The following PDE4D variants were observed in gnomAD, a reference collection of about 807,000 sequenced individuals.
PDE4D encodes phosphodiesterase 4D.
Under a neutral mutation model 87.4 loss-of-function variants are expected in PDE4D, and 24 were observed. That is an observed-to-expected ratio of 0.27 (90% confidence interval 0.20 to 0.39). The LOEUF is 0.39. Among genes scored for constraint, PDE4D ranks in the 10% least tolerant of loss-of-function variants. PDE4D has a pLI of 1.00. For synonymous variants in PDE4D, 384 were observed against 383.2 expected (o/e 1.00, Z -0.02); for missense variants, 714 against 1,041.0 (o/e 0.69, Z 4.32).
chr5:59,199,257 CTT>C lies in PDE4D; in HGVS notation c.648-5723_648-5722del, dbSNP rs34049029. Among the ~76,000 whole-genome samples, 622 of 141,754 alleles carry C rather than the reference CTT, an allele frequency of 4.4e-3. 2 individuals carry two copies. Among genetic ancestry groups the C allele is most frequent in the Non-Finnish European group, 6.5e-3 (418 of 64,772 alleles). The allele number at this position is 141,754 out of a possible 152,430, so 93.0% of individuals were successfully genotyped here. On this transcript the variant is annotated intron_variant, in intron 2 of 14. Coordinates refer to ENST00000340635, the MANE Select transcript of PDE4D (RefSeq NM_001104631.2). ...CTGGGGCTTACGTTTGAATCTAATC[CTT>C]TTTTTTTTTTTTTCAATGGCATGGA...
intron 1 of PDE4D, among the ~76,000 whole-genome samples, chr5:60,500,442 A>T (rs1447607343): frequency 6.6e-6 from 1 of 152,254 alleles, no homozygotes; most frequent in Non-Finnish European, 1.5e-5. Flanking sequence ...GAAATAACTA[A>T]TTCCATAGAT....
At chr5:59,215,637 G>T in intron 2 of PDE4D, 140 bp downstream of exon 2, 1 of 660,478 alleles carries the variant, frequency 1.5e-6, no homozygotes, top group Non-Finnish European at 2.6e-6. Flanking sequence ...TTCATTTCTA[G>T]CTTGTATAAT....
intron 1 of PDE4D, among the ~76,000 whole-genome samples, chr5:59,310,611 T>G (rs1030240376): frequency 6.6e-6 from 1 of 152,192 alleles, no homozygotes; most frequent in Non-Finnish European, 1.5e-5. Context: ...CCCTGACAGT[T>G]CTTCCTCTAC....
chr5:59,565,689 G>A (rs1281334080), intron 1 of PDE4D, among the ~76,000 whole-genome samples: 2 of 152,240 alleles, frequency 1.3e-5, no homozygotes, highest in African/African-American at 4.8e-5. Context: ...TTCAAGTACA[G>A]ATGGCAAAGC....
intron 1 of PDE4D, among the ~76,000 whole-genome samples, chr5:59,398,807 T>G (rs12656961): frequency 0.23 from 25,019 of 108,432 alleles, 1,288 homozygotes; most frequent in Middle Eastern, 0.35. Context: ...GTTTGCAGAC[T>G]ACATGATTGT....
intron 3 of PDE4D, among the ~76,000 whole-genome samples, chr5:59,909,933 G>A (rs1022037347): frequency 2.0e-5 from 3 of 152,028 alleles, no homozygotes; most frequent in African/African-American, 4.8e-5. Context: ...GATGACAAAC[G>A]AATTCCTAGT....
chr5:59,650,756 T>C (rs944377852), intron 1 of PDE4D, among the ~76,000 whole-genome samples: 2 of 152,200 alleles, frequency 1.3e-5, no homozygotes, highest in African/African-American at 2.4e-5. Context: ...GGTCATTCTA[T>C]TACCAATTTG....
upstream of PDE4D, among the ~76,000 whole-genome samples, chr5:59,893,973 G>A (rs1389622616): frequency 6.6e-6 from 1 of 152,158 alleles, no homozygotes; most frequent in Non-Finnish European, 1.5e-5. Context: ...CCGGCGGCGA[G>A]AGCAGGGATT....
chr5:60,401,009 AAC>A (rs1186296895), intron 1 of PDE4D, among the ~76,000 whole-genome samples: 1 of 152,212 alleles, frequency 6.6e-6, no homozygotes, highest in Non-Finnish European at 1.5e-5. Flanking sequence ...GCTATTTTAA[AAC>A]AGAGCCAGTT....
At chr5:59,172,051 A>G (rs11953985) in intron 5 of PDE4D, among the ~76,000 whole-genome samples, 1 of 2,828 alleles carries the variant, frequency 3.5e-4, no homozygotes, top group Non-Finnish European at 7.7e-4. Context: ...TATATAATAT[A>G]TATATATTAT....
At chr5:60,242,787 T>C (rs961104443) in intron 1 of PDE4D, among the ~76,000 whole-genome samples, 1 of 151,840 alleles carries the variant, frequency 6.6e-6, no homozygotes, top group Non-Finnish European at 1.5e-5. Context: ...AAACAAATGA[T>C]AATGGAAACA....
chr5:60,503,805 C>A (rs1376444190), intron 1 of PDE4D, among the ~76,000 whole-genome samples: 1 of 151,984 alleles, frequency 6.6e-6, no homozygotes, highest in Non-Finnish European at 1.5e-5. Context: ...CTGGAAGTAT[C>A]CAGTGAGCCA....
chr5:59,082,087 C>T (rs1189470702), intron 5 of PDE4D, among the ~76,000 whole-genome samples: 1 of 152,088 alleles, frequency 6.6e-6, no homozygotes, highest in Non-Finnish European at 1.5e-5. Flanking sequence ...AACTGTGAGT[C>T]AATTAAACCT....
chr5:59,099,238 C>T (rs1309128752), intron 5 of PDE4D, among the ~76,000 whole-genome samples: 1 of 152,112 alleles, frequency 6.6e-6, no homozygotes, highest in Non-Finnish European at 1.5e-5. Flanking sequence ...AAATTTCCCC[C>T]AAAGGACACA....
chr5:59,304,779 G>A (rs150556910), intron 1 of PDE4D, among the ~76,000 whole-genome samples: 3 of 152,208 alleles, frequency 2.0e-5, no homozygotes, highest in African/African-American at 7.2e-5. Flanking sequence ...TTTTTGATAT[G>A]TTGTTGGATT....
At chr5:59,562,497 T>C (rs951617768) in intron 1 of PDE4D, among the ~76,000 whole-genome samples, 3 of 152,174 alleles carry the variant, frequency 2.0e-5, no homozygotes, top group Non-Finnish European at 2.9e-5. Context: ...CCCTTTCAAA[T>C]TGCATGAAAA....
At chr5:59,139,400 C>T (rs1777573603) in intron 5 of PDE4D, among the ~76,000 whole-genome samples, 1 of 152,148 alleles carries the variant, frequency 6.6e-6, no homozygotes, top group African/African-American at 2.4e-5. Context: ...GGTCATTTTA[C>T]CGCAGAACAT....
chr5:59,365,592 C>A (rs1406109873), intron 1 of PDE4D, among the ~76,000 whole-genome samples: 1 of 152,158 alleles, frequency 6.6e-6, no homozygotes, highest in African/African-American at 2.4e-5. Flanking sequence ...AATATTTGGG[C>A]TCAACCAGTC....
intron 2 of PDE4D, among the ~76,000 whole-genome samples, chr5:60,091,778 C>A (rs891455264): frequency 1.3e-5 from 2 of 152,092 alleles, no homozygotes; most frequent in African/African-American, 4.8e-5. Context: ...GTGGGCCGGG[C>A]GCGGTGGCTC....
Sources: allele counts gnomAD v4.1 joint callset (sites outside exome capture counted in the v4.1 genomes callset), GRCh38; gene constraint gnomAD v4.1.1; transcripts MANE v1.5; gene names NCBI Gene and HGNC (gene_info 2026-07-23, HGNC 2026-07-21).